MYO3B: variants seen among roughly 807,000 people sequenced by gnomAD.
MYO3B encodes myosin IIIB, also known as myosin-IIIb.
A neutral mutation model predicts 174.6 loss-of-function variants in MYO3B; 156 were observed. The ratio of observed to expected loss-of-function variants is 0.89; its 90% CI spans 0.78 to 1.02. The LOEUF is 1.02. Among genes scored for constraint, MYO3B ranks in the 50% least tolerant of loss-of-function variants. The pLI is 0.00. For missense variants in MYO3B, 1,632 were observed against 1,639.4 expected (o/e 1.00, Z 0.08); for synonymous variants, 563 against 569.1 (o/e 0.99, Z 0.15).
At chr2:170,615,389 T>C (rs1443108568) in intron 32 of MYO3B, among the ~76,000 whole-genome samples, 1 of 152,098 alleles carries the variant, frequency 6.6e-6, no homozygotes, top group Non-Finnish European at 1.5e-5. Context: ...GACGGAGGGA[T>C]AGGGTGTGCT....
chr2:170,419,629 G>T (rs77102657), intron 22 of MYO3B, among the ~76,000 whole-genome samples: 1 of 152,126 alleles, frequency 6.6e-6, no homozygotes, highest in Non-Finnish European at 1.5e-5. Context: ...TTAATTGTGG[G>T]GCATGTGGGG....
At chr2:170,383,009 T>A in intron 10 of MYO3B, 64 bp from the exon 11 acceptor site, 1 of 1,044,188 alleles carries the variant, frequency 9.6e-7, no homozygotes, top group Non-Finnish European at 1.5e-6. Context: ...TTTGTTGTCA[T>A]TTTTAGAATC....
intron 22 of MYO3B, chr2:170,411,867 A>T (rs1372326070): frequency 6.6e-6 from 1 of 152,234 alleles, no homozygotes; most frequent in Non-Finnish European, 1.5e-5. Context: ...GCACACTCTC[A>T]CTGCAAGGTT....
chr2:170,294,193 A>T (rs7595726), intron 7 of MYO3B, among the ~76,000 whole-genome samples: 1 of 151,648 alleles, frequency 6.6e-6, no homozygotes, highest in Non-Finnish European at 1.5e-5. Flanking sequence ...TTTCTATTTA[A>T]TTTCTGTTCT....
At chr2:170,553,330 T>C (rs558267563) in intron 32 of MYO3B, among the ~76,000 whole-genome samples, 1 of 152,312 alleles carries the variant, frequency 6.6e-6, no homozygotes, top group South Asian at 2.1e-4. Flanking sequence ...AACGCTGAGC[T>C]GCCCAAAGCC....
chr2:170,220,308 T>C (rs1485031827), intron 6 of MYO3B, among the ~76,000 whole-genome samples: 1 of 150,966 alleles, frequency 6.6e-6, no homozygotes, highest in African/African-American at 2.4e-5. Context: ...TGTTTCTGAC[T>C]TTCCAACTTT....
chr2:170,471,763 G>A (rs1575034088), intron 25 of MYO3B, among the ~76,000 whole-genome samples: 1 of 152,038 alleles, frequency 6.6e-6, no homozygotes. Flanking sequence ...AGGCTGAGGC[G>A]GGTGGATCAC....
intron 6 of MYO3B, among the ~76,000 whole-genome samples, chr2:170,222,080 C>T (rs964262552): frequency 6.6e-6 from 1 of 152,176 alleles, no homozygotes; most frequent in African/African-American, 2.4e-5. Context: ...GATTTAGCAG[C>T]TCATAATAAT....
chr2:170,335,648 TTA>T (rs2093942743), intron 8 of MYO3B, among the ~76,000 whole-genome samples, 198 bp downstream of exon 8: 1 of 152,228 alleles, frequency 6.6e-6, no homozygotes, highest in African/African-American at 2.4e-5. Flanking sequence ...TGACTCTCAG[TTA>T]TAATAAGTCC....
intron 32 of MYO3B, among the ~76,000 whole-genome samples, chr2:170,620,252 G>C (rs1695801817): frequency 6.6e-6 from 1 of 151,850 alleles, no homozygotes. Flanking sequence ...TAACATTCCA[G>C]GCAAAACTCC....
chr2:170,256,301 T>C (rs1212702774), intron 7 of MYO3B, among the ~76,000 whole-genome samples: 2 of 152,172 alleles, frequency 1.3e-5, no homozygotes, highest in Non-Finnish European at 2.9e-5. Context: ...TGTGAGATAC[T>C]ATATAAGATA....
chr2:170,558,303 C>CAA (rs796376034), intron 32 of MYO3B, among the ~76,000 whole-genome samples: 10 of 120,210 alleles, frequency 8.3e-5, no homozygotes, highest in Admixed American at 2.5e-4. Flanking sequence ...ACTCTGTCTC[C>CAA]AAAAAAAAAA....
intron 9 of MYO3B, among the ~76,000 whole-genome samples, chr2:170,379,840 T>G (rs1289253169): frequency 6.6e-6 from 1 of 152,228 alleles, no homozygotes; most frequent in Non-Finnish European, 1.5e-5. Flanking sequence ...ACTAATAGCA[T>G]GCTTCAAATA....
At chr2:170,353,566 G>A (rs1384650071) in intron 8 of MYO3B, among the ~76,000 whole-genome samples, 1 of 152,126 alleles carries the variant, frequency 6.6e-6, no homozygotes, top group Admixed American at 6.5e-5. Flanking sequence ...CATGGACTCT[G>A]GGTAATTACG....
chr2:170,546,777 C>A (rs1445025012), intron 32 of MYO3B, among the ~76,000 whole-genome samples: 2 of 152,104 alleles, frequency 1.3e-5, no homozygotes, highest in African/African-American at 2.4e-5. Context: ...TTATTTTAAC[C>A]CATGTTTTTG....
At chr2:170,318,514 T>C (rs986002228) in intron 7 of MYO3B, among the ~76,000 whole-genome samples, 4 of 152,148 alleles carry the variant, frequency 2.6e-5, no homozygotes, top group Non-Finnish European at 5.9e-5. Context: ...TGGGAAGAAC[T>C]GGAAGCTAGG....
chr2:170,255,169 G>T (rs967035018), intron 7 of MYO3B, among the ~76,000 whole-genome samples: 2 of 152,178 alleles, frequency 1.3e-5, no homozygotes, highest in Admixed American at 6.5e-5. Context: ...GAATGAGTGG[G>T]TCTCCTTGTG....
At chr2:170,229,803 A>G (rs2092994540) in intron 6 of MYO3B, among the ~76,000 whole-genome samples, 1 of 152,170 alleles carries the variant, frequency 6.6e-6, no homozygotes, top group Non-Finnish European at 1.5e-5. Context: ...AGATCTTGAG[A>G]TGAGAAGCTG....
chr2:170,197,668 A>G (rs1451429948), intron 1 of MYO3B, among the ~76,000 whole-genome samples: 1 of 152,212 alleles, frequency 6.6e-6, no homozygotes, highest in Non-Finnish European at 1.5e-5. Context: ...CCCAGAAGTC[A>G]TAAAAATTTT....
Sources: allele counts gnomAD v4.1 joint callset (sites outside exome capture counted in the v4.1 genomes callset), GRCh38; gene constraint gnomAD v4.1.1; transcripts MANE v1.5; gene names NCBI Gene and HGNC (gene_info 2026-07-23, HGNC 2026-07-21).